Variants in PTGR2 observed in about 807,000 individuals in gnomAD.
The protein encoded by PTGR2 is 15-oxoprostaglandin 13-reductase.
PTGR2 carries 32 observed loss-of-function variants against 43.4 expected under a neutral mutation model. The observed-to-expected ratio is 0.74, with a 90% CI of 0.56 to 0.99. The LOEUF is 0.99. Ranked by LOEUF, PTGR2 falls within the 50% of genes least tolerant of loss-of-function variation. The probability of loss-of-function intolerance (pLI) is 0.00; values close to 1 mark genes in which losing one functional copy is unlikely to be tolerated. For missense variants in PTGR2, 373 were observed against 420.0 expected (o/e 0.89, Z 0.98); for synonymous variants, 106 against 139.2 (o/e 0.76, Z 1.68).
chr14:73,884,124 G>A lies in PTGR2; in HGVS notation c.1003G>A (p.Gly335Arg). The A allele has an allele frequency of 1.2e-6, 2 of 1,608,350 alleles. No individual in the cohort carries two copies. The highest frequency in any genetic ancestry group is 1.7e-6 in the Non-Finnish European group (2 of 1,177,170). The change falls in exon 10 of 10, where the codon GGA (glycine) becomes AGA (arginine). Residue 335 changes from glycine (G) to arginine (R), a missense_variant. By Grantham distance (125) the Gly-to-Arg change is moderately radical. Coordinates refer to ENST00000555661, the MANE Select transcript of PTGR2 (RefSeq NM_001146154.2). ...MGAAFQSMMT[G>R]GNIGKQIVCI... is the part of the protein sequence containing the mutation. ...AGCTGCATTCCAGTCCATGATGACA[G>A]GAGGTAACATTGGAAAGCAGATAGT...
chr14:73,876,099 G>A lies in PTGR2; in HGVS notation c.349-899G>A, dbSNP rs1461804521. On this transcript the variant is annotated intron_variant, in intron 4 of 9. Coordinates refer to ENST00000555661, the MANE Select transcript of PTGR2 (RefSeq NM_001146154.2). The stretch of plus-strand genomic sequence containing the variant: ...CTCCTTAAGTACTGGGATTACAGGC[G>A]TGAGCCACCGCACCCGGCCTTAAAG... Among the ~76,000 whole-genome samples the A allele has an allele frequency of 5.3e-5, 8 of 152,004 alleles. No individual in the cohort carries two copies. In the East Asian group the frequency reaches 1.3e-3, roughly 26 times the overall value.
chr14:73,877,613 GT>G (rs3076728), intron 5 of PTGR2: 234 of 147,074 alleles, frequency 1.6e-3, no homozygotes, highest in African/African-American at 4.0e-3. Flanking sequence ...TGTAGAAATG[GT>G]TTTTTTTTTT....
chr14:73,864,342 T>C (rs2054556637), intron 3 of PTGR2, among the ~76,000 whole-genome samples: 1 of 152,210 alleles, frequency 6.6e-6, no homozygotes, highest in African/African-American at 2.4e-5. Flanking sequence ...AGTAAGTATA[T>C]GTTTAACCTT....
At chr14:73,870,376 C>T (rs1196690408) in intron 3 of PTGR2, among the ~76,000 whole-genome samples, 2 of 151,906 alleles carry the variant, frequency 1.3e-5, no homozygotes, top group Non-Finnish European at 2.9e-5. Flanking sequence ...GATGGGGTTT[C>T]GCCATGTTGG....
At chr14:73,873,094 G>C (rs1186673593) in intron 3 of PTGR2, among the ~76,000 whole-genome samples, 1 of 152,094 alleles carries the variant, frequency 6.6e-6, no homozygotes, top group African/African-American at 2.4e-5. Flanking sequence ...GTACACGTGA[G>C]GTTGGGAGTT....
At chr14:73,862,646 T>C (rs1294028594) in intron 3 of PTGR2, among the ~76,000 whole-genome samples, 1 of 152,222 alleles carries the variant, frequency 6.6e-6, no homozygotes, top group Non-Finnish European at 1.5e-5. Context: ...CTTTTGATAT[T>C]ATATTGCAGC....
chr14:73,868,214 G>A (rs756394118), intron 3 of PTGR2, among the ~76,000 whole-genome samples: 4 of 152,024 alleles, frequency 2.6e-5, no homozygotes, highest in East Asian at 1.9e-4. Context: ...ACTTGAGCCC[G>A]GGAGGCCGAG....
Position 73,884,388 on chromosome 14 carries a change from A to T in PTGR2, c.*211A>T. On this transcript the variant is annotated 3_prime_UTR_variant, in exon 10 of 10. Transcript: ENST00000555661. ...TTAATAACTTTTAGTAATTACTTTT[A>T]TTAATTTAAAATAGAACGCTTGAGA... is the stretch of plus-strand genomic sequence containing the variant. The T allele has an allele frequency of 2.6e-6, 1 of 381,672 alleles. No homozygotes were observed. The highest frequency in any genetic ancestry group is 4.6e-6 in the Non-Finnish European group (1 of 218,472). The allele number at this position is 381,672 out of a possible 1,614,324, so 23.6% of individuals were successfully genotyped here.
At chr14:73,852,393 C>T (rs923869068) in intron 1 of PTGR2, among the ~76,000 whole-genome samples, 1 of 152,040 alleles carries the variant, frequency 6.6e-6, no homozygotes, top group African/African-American at 2.4e-5. Flanking sequence ...TCCCGAGTAG[C>T]TGGGATTACT....
At chr14:73,852,526 C>CA (rs2054253501) in intron 1 of PTGR2, among the ~76,000 whole-genome samples, 1 of 152,178 alleles carries the variant, frequency 6.6e-6, no homozygotes, top group Non-Finnish European at 1.5e-5. Context: ...GCTGGGATTA[C>CA]AGGCGTGAGC....
Position 73,881,772 on chromosome 14 carries a change from C to CT in PTGR2, c.939+509dup, listed in dbSNP as rs57377878. Among the ~76,000 whole-genome samples the CT allele has an allele frequency of 2.7e-3, 189 of 69,276 alleles. 16 individuals are homozygous for CT. The highest frequency in any genetic ancestry group is 0.016 in the Middle Eastern group (1 of 64). 45.4% of individuals were successfully genotyped at this position (69,276 alleles called of 152,430 possible). The stretch of plus-strand genomic sequence containing the variant: ...TTCAGACATACTGGCCTAGGCTATT[C>CT]TTTTTTTTTTTTTTTTTTTTTTTTT... On this transcript the variant is annotated intron_variant, in intron 8 of 9. Coordinates refer to ENST00000555661, the MANE Select transcript of PTGR2 (RefSeq NM_001146154.2).
At chr14:73,868,139 A>T (rs1169301303) in intron 3 of PTGR2, among the ~76,000 whole-genome samples, 1 of 152,184 alleles carries the variant, frequency 6.6e-6, no homozygotes, top group Non-Finnish European at 1.5e-5. Context: ...ATACAAAAAA[A>T]TTAGCCAGGC....
At chr14:73,857,890 T>C (rs2054397893) in intron 1 of PTGR2, among the ~76,000 whole-genome samples, 1 of 151,638 alleles carries the variant, frequency 6.6e-6, no homozygotes, top group Non-Finnish European at 1.5e-5. Context: ...AGGATGGTCT[T>C]GAACTCTTGA....
chr14:73,862,745 A>G (rs565909926), intron 3 of PTGR2, among the ~76,000 whole-genome samples: 3 of 152,112 alleles, frequency 2.0e-5, no homozygotes, highest in African/African-American at 7.2e-5. Context: ...TGAGATCTCT[A>G]TTGCTGAGGC....
intron 9 of PTGR2, 105 bp downstream of exon 9, chr14:73,882,543 C>T (rs1471928803): frequency 2.5e-6 from 2 of 788,556 alleles, no homozygotes; most frequent in Non-Finnish European, 4.1e-6. Context: ...CTCTGTTGCC[C>T]AGGCTGGAGT....
At position 73,874,110 on chromosome 14, in the gene PTGR2, A is replaced by T. The variant is rs1347836599; in HGVS notation, c.244A>T (p.Ile82Leu). The T allele has an allele frequency of 1.2e-6, 2 of 1,614,050 alleles. No individual in the cohort carries two copies. Among genetic ancestry groups the T allele is most frequent in the Non-Finnish European group, 8.5e-7 (1 of 1,179,938 alleles). Residue 82 changes from isoleucine (I) to leucine (L), a missense_variant, in exon 4 of 10, where the codon ATA becomes TTA. Physicochemically the swap from Ile to Leu is conservative, Grantham distance 5. Coordinates refer to ENST00000555661, the MANE Select transcript of PTGR2 (RefSeq NM_001146154.2). ...CGTTGATGGAGGAGGTATTGGAATTATAGAAGAAAGCAAACACACAAATTT... is the reference window on the plus strand; with the variant it reads ...CGTTGATGGAGGAGGTATTGGAATTTTAGAAGAAAGCAAACACACAAATTT... ...QVVDGGGIGI[I>L]EESKHTNLTK... is the part of the protein sequence containing the mutation.
chr14:73,878,883 T>C (rs895858051), intron 5 of PTGR2: 1 of 532,134 alleles, frequency 1.9e-6, no homozygotes, highest in African/African-American at 1.9e-5. Flanking sequence ...GGAACATAAG[T>C]CTACCTTTGT....
Position 73,885,119 on chromosome 14 carries a change from ATC to A in PTGR2, c.*948_*949del, listed in dbSNP as rs1415667257. On this transcript the variant is annotated 3_prime_UTR_variant, in exon 10 of 10. Transcript: ENST00000555661. ...AGCCTGGCCAACACGGTGAAACCCCATCTCTCTAAAAATACAAAAATTAGCTG... is the reference window on the plus strand; with the variant it reads ...AGCCTGGCCAACACGGTGAAACCCCATCTCTAAAAATACAAAAATTAGCTG... 6.6e-6 allele frequency: 1 copy of A among 152,214 alleles called. No individual in the cohort carries two copies. The highest frequency in any genetic ancestry group is 1.5e-5 in the Non-Finnish European group (1 of 68,078). 9.4% of individuals were successfully genotyped at this position (152,214 alleles called of 1,614,324 possible).
At chr14:73,864,678 A>T (rs1241805110) in intron 3 of PTGR2, among the ~76,000 whole-genome samples, 1 of 152,188 alleles carries the variant, frequency 6.6e-6, no homozygotes, top group Admixed American at 6.5e-5. Flanking sequence ...AGTTGTTTAT[A>T]TATTCTTGAT....
Sources: allele counts gnomAD v4.1 joint callset (sites outside exome capture counted in the v4.1 genomes callset), GRCh38; gene constraint gnomAD v4.1.1; transcripts MANE v1.5; gene names NCBI Gene and HGNC (gene_info 2026-07-23, HGNC 2026-07-21).